The following SMO variants were observed in gnomAD, a reference collection of about 807,000 sequenced individuals.
The protein encoded by SMO is smoothened, frizzled class receptor, also known as protein smoothened.
A neutral mutation model predicts 81.6 loss-of-function variants in SMO; 40 were observed. That is an observed-to-expected ratio of 0.49 (90% CI 0.38 to 0.64). The LOEUF is 0.64. Among genes scored for constraint, SMO ranks in the 30% least tolerant of loss-of-function variants. The pLI is 0.00. For missense variants in SMO, 916 were observed against 1,061.1 expected (o/e 0.86, Z 1.90); for synonymous variants, 434 against 432.1 (o/e 1.00, Z -0.05).
At position 129,208,631 on chromosome 7, in the gene SMO, G is replaced by C. The variant is rs1032938224; in HGVS notation, c.1265-128G>C. On this transcript the variant is annotated intron_variant, in intron 6 of 11. Coordinates refer to ENST00000249373, the MANE Select transcript of SMO (RefSeq NM_005631.5). This position sits in a 1 kb window ranked among gnomAD's most constrained non-coding sequence, Gnocchi z 5.2. ...TTCTCCAGTGTCTCTAGCTCCCCAGGTTTTCATTTAGCACAGGGGTAATCA... is the reference window on the plus strand; with the variant it reads ...TTCTCCAGTGTCTCTAGCTCCCCAGCTTTTCATTTAGCACAGGGGTAATCA... 1.6e-6 allele frequency: 1 copy of C among 629,332 alleles called. No homozygotes were observed. Among genetic ancestry groups the C allele is most frequent in the Non-Finnish European group, 2.9e-6 (1 of 342,102 alleles). 39.0% of individuals were successfully genotyped at this position (629,332 alleles called of 1,614,324 possible). A position where few individuals can be genotyped will look rare whatever the true frequency, so the allele number is the denominator to read the frequency against.
chr7:129,189,347 C>A lies in SMO; in HGVS notation c.196C>A (p.Arg66=), dbSNP rs1215848715. ...TCCGCCGCCGCTGAGCCACTGCGGC[C>A]GGGCTGCCCCCTGCGAGCCGCTGCG... is the stretch of plus-strand genomic sequence containing the variant. ...GPPPPLSHCG[R]AAPCEPLRYN... Residue 66 remains arginine, a synonymous_variant, in exon 1 of 12, where the codon CGG becomes AGG. Coordinates refer to ENST00000249373, the MANE Select transcript of SMO (RefSeq NM_005631.5). This position sits in a 1 kb window ranked among gnomAD's most constrained non-coding sequence, Gnocchi z 4.7. The A allele has an allele frequency of 1.3e-6, 2 of 1,518,288 alleles. No homozygotes were observed. Among genetic ancestry groups the A allele is most frequent in the African/African-American group, 1.4e-5 (1 of 70,210 alleles). The allele number at this position is 1,518,288 out of a possible 1,614,324, so 94.1% of individuals were successfully genotyped here. A position where few individuals can be genotyped will look rare whatever the true frequency, so the allele number is the denominator to read the frequency against.
In SMO at chr7:129,212,662, G is replaced by T; in HGVS notation, c.*211G>T. The T allele has an allele frequency of 1.7e-6, 1 of 588,844 alleles. No individual in the cohort carries two copies. 36.5% of individuals were successfully genotyped at this position (588,844 alleles called of 1,614,324 possible). On this transcript the variant is annotated 3_prime_UTR_variant, in exon 12 of 12. Coordinates refer to ENST00000249373, the MANE Select transcript of SMO (RefSeq NM_005631.5). The surrounding 1 kb of genome is among the most constrained non-coding windows in gnomAD (Gnocchi z 5.0). ...ATGGGGAGGCCTCACCCCAGGGACA[G>T]GGCCCTGGAGCTCAGGGTCCTTGTT... is the stretch of plus-strand genomic sequence containing the variant.
intron 1 of SMO, among the ~76,000 whole-genome samples, chr7:129,201,741 C>T (rs748052932): frequency 2.5e-4 from 38 of 151,944 alleles, no homozygotes; most frequent in Non-Finnish European, 4.7e-4. Flanking sequence ...AGTGCAGTGG[C>T]GCCATCTCAG....
Position 129,189,292 on chromosome 7 carries a change from C to T in SMO, c.141C>T (p.Ser47=). The T allele has an allele frequency of 2.8e-6, 4 of 1,425,894 alleles. No homozygotes were observed. The highest frequency in any genetic ancestry group is 3.6e-6 in the Non-Finnish European group (4 of 1,100,266). The allele number at this position is 1,425,894 out of a possible 1,614,324, so 88.3% of individuals were successfully genotyped here. A position where few individuals can be genotyped will look rare whatever the true frequency, so the allele number is the denominator to read the frequency against. ...TGPGPRSAGG[S]ARRSAAVTGP... Reference sequence around the variant, plus strand: ...CTGGGCCTCGGAGCGCGGGCGGGAGCGCGAGGAGGAGCGCGGCGGTGACTG... The same window carrying T: ...CTGGGCCTCGGAGCGCGGGCGGGAGTGCGAGGAGGAGCGCGGCGGTGACTG... Residue 47 remains serine (S), a synonymous_variant, in exon 1 of 12, where the codon AGC becomes AGT. Transcript: ENST00000249373. The surrounding 1 kb of genome is among the most constrained non-coding windows in gnomAD (Gnocchi z 4.7).
At position 129,196,327 on chromosome 7, in the gene SMO, TTG is replaced by T. The variant is rs57674265; in HGVS notation, c.331+6873_331+6874del. On this transcript the variant is annotated intron_variant, in intron 1 of 11. Coordinates refer to ENST00000249373, the MANE Select transcript of SMO (RefSeq NM_005631.5). ...AGTAGAGAGTCTGAGCTATTCTTGATTGTGTGTGTGTGTGTGTGTGTGTGTGT... is the reference window on the plus strand; with the variant it reads ...AGTAGAGAGTCTGAGCTATTCTTGATTGTGTGTGTGTGTGTGTGTGTGTGT... Among the ~76,000 whole-genome samples the T allele has an allele frequency of 1.8e-4, 26 of 145,118 alleles. 1 individual carries two copies. The highest frequency in any genetic ancestry group is 3.5e-3 in the Middle Eastern group (1 of 282).
rs2150650031 is a variant in SMO at position 129,206,237 on chromosome 7, C to T, written c.1008C>T (p.Thr336=). 6.2e-7 allele frequency: 1 copy of T among 1,614,178 alleles called. No individual in the cohort carries two copies. Among genetic ancestry groups the T allele is most frequent in the Non-Finnish European group, 8.5e-7 (1 of 1,180,002 alleles). Residue 336 remains threonine (T), a synonymous_variant, in exon 5 of 12, where the codon ACC becomes ACT. Transcript: ENST00000249373. This position sits in a 1 kb window ranked among gnomAD's most constrained non-coding sequence, Gnocchi z 4.4. ...GTGTGGTTTGGTTTGTGGTCCTCAC[C>T]TATGCCTGGCACACTTCCTTCAAAG... The part of the protein sequence containing the change: ...MAGVVWFVVL[T]YAWHTSFKAL...
intron 3 of SMO, 23 bp downstream of exon 3, chr7:129,205,435 CG>C (rs773968967): frequency 1.6e-5 from 25 of 1,598,898 alleles, no homozygotes; most frequent in Middle Eastern, 1.7e-4. Flanking sequence ...AGGGCAGGCC[CG>C]GGGGGCCCTC....
chr7:129,210,384 CGG>C lies in SMO; in HGVS notation c.1490_1491del (p.Gly497AlafsTer9). On this transcript the variant is annotated frameshift_variant, in exon 9 of 12. Coordinates refer to ENST00000249373, the MANE Select transcript of SMO (RefSeq NM_005631.5). LOFTEE classifies it high-confidence loss of function. This position sits in a 1 kb window ranked among gnomAD's most constrained non-coding sequence, Gnocchi z 4.7. ...YVLCQANVTI[G>X]LPTKQPIPDC... ...GTAGATGTCAGGCCAATGTGACCAT[CGG>C]GCTGCCCACCAAGCAGCCCATCCCT... 6.2e-7 allele frequency: 1 copy of C among 1,613,908 alleles called. No homozygotes were observed. Among genetic ancestry groups the C allele is most frequent in the Non-Finnish European group, 8.5e-7 (1 of 1,179,756 alleles).
intron 2 of SMO, 25 bp from the exon 3 acceptor site, chr7:129,205,178 C>T (rs760491950): frequency 1.5e-5 from 24 of 1,607,400 alleles, no homozygotes; most frequent in Admixed American, 8.3e-5. Flanking sequence ...GCCTTGACAC[C>T]GTCTTTTCCC....
intron 1 of SMO, among the ~76,000 whole-genome samples, chr7:129,197,523 G>T (rs1202026315): frequency 1.3e-5 from 2 of 152,120 alleles, no homozygotes; most frequent in African/African-American, 2.4e-5. Context: ...TGCCTCCTGG[G>T]TTCAAGCGAT....
In SMO at chr7:129,206,743, G is replaced by A. The variant is rs530194138; in HGVS notation, c.1264+156G>A. Among the ~76,000 whole-genome samples the A allele has an allele frequency of 2.6e-4, 40 of 152,300 alleles. No homozygotes were observed. The South Asian group carries it at 6.8e-3, about 26-fold the overall frequency. The stretch of plus-strand genomic sequence containing the variant: ...GTAGAAGGTGACCCTCTAGGCAGAC[G>A]AAACACCGTGAGCACTTGCTGCGGG... On this transcript the variant is annotated intron_variant, in intron 6 of 11. Coordinates refer to ENST00000249373, the MANE Select transcript of SMO (RefSeq NM_005631.5). This position sits in a 1 kb window ranked among gnomAD's most constrained non-coding sequence, Gnocchi z 4.4.
intron 3 of SMO, 83 bp from the exon 4 acceptor site, chr7:129,205,527 A>G (rs1793749891): frequency 2.0e-6 from 3 of 1,525,214 alleles, no homozygotes; most frequent in Non-Finnish European, 2.7e-6. Context: ...GGTCATGATC[A>G]GAAGGGTCTG....
chr7:129,202,013 GTTGCCTGAGGACA>G (rs1367170000), intron 1 of SMO, among the ~76,000 whole-genome samples: 2 of 152,082 alleles, frequency 1.3e-5, no homozygotes, highest in East Asian at 3.9e-4. Context: ...AGTGGGAACT[GTTGCCTGAGGACA>G]TTGCTTCTTA....
rs1010279524 is a variant in SMO, at chr7:129,208,663, G to A, written c.1265-96G>A. 10 of 729,030 alleles carry A rather than the reference G, an allele frequency of 1.4e-5. No homozygotes were observed. In the African/African-American group the frequency reaches 1.6e-4, roughly 11 times the overall value. 45.2% of individuals were successfully genotyped at this position (729,030 alleles called of 1,614,324 possible). A position where few individuals can be genotyped will look rare whatever the true frequency, so the allele number is the denominator to read the frequency against. On this transcript the variant is annotated intron_variant, in intron 6 of 11. Coordinates refer to ENST00000249373, the MANE Select transcript of SMO (RefSeq NM_005631.5). This position sits in a 1 kb window ranked among gnomAD's most constrained non-coding sequence, Gnocchi z 5.2. ...TTTAGCACAGGGGTAATCAGACTTG[G>A]GACTCCAGAGCCTTAGGACCCTCCT...
chr7:129,211,992 C>T lies in SMO; in HGVS notation c.1937-32C>T, dbSNP rs2150656177. ...GGGGGTGGCATGGACAGAGCCAGGG[C>T]CCCAGGCTCGTGTTGTCTCTCCTCC... is the stretch of plus-strand genomic sequence containing the variant. On this transcript the variant is annotated intron_variant, in intron 11 of 11. Transcript: ENST00000249373. This position sits in a 1 kb window ranked among gnomAD's most constrained non-coding sequence, Gnocchi z 4.6. 1.9e-6 allele frequency: 3 copies of T among 1,546,774 alleles called. No individual in the cohort carries two copies. Among genetic ancestry groups the T allele is most frequent in the African/African-American group, 1.4e-5 (1 of 73,608 alleles).
At position 129,211,100 on chromosome 7, in the gene SMO, C is replaced by T. The variant is rs371203309; in HGVS notation, c.1788C>T (p.His596=). ...CCTTCAGCATGCACACTGTGTCCCA[C>T]GACGGGCCCGTGGGTGAGCCTCACC... ...ELSFSMHTVS[H]DGPVAGLAFD... Residue 596 remains histidine, a synonymous_variant, in exon 10 of 12, where the codon CAC becomes CAT. Coordinates refer to ENST00000249373, the MANE Select transcript of SMO (RefSeq NM_005631.5). The surrounding 1 kb of genome is among the most constrained non-coding windows in gnomAD (Gnocchi z 4.6). 3.3e-5 allele frequency: 53 copies of T among 1,608,092 alleles called. No homozygotes were observed. The highest frequency in any genetic ancestry group is 4.5e-5 in the East Asian group (2 of 44,810).
chr7:129,206,052 C>T lies in SMO; in HGVS notation c.921-98C>T. 1 of 1,078,150 alleles carries T rather than the reference C, an allele frequency of 9.3e-7. No homozygotes were observed. The highest frequency in any genetic ancestry group is 1.4e-6 in the Non-Finnish European group (1 of 732,772). The allele number at this position is 1,078,150 out of a possible 1,614,324, so 66.8% of individuals were successfully genotyped here. On this transcript the variant is annotated intron_variant, in intron 4 of 11. Transcript: ENST00000249373. The surrounding 1 kb of genome is among the most constrained non-coding windows in gnomAD (Gnocchi z 4.4). The stretch of plus-strand genomic sequence containing the variant: ...CCAAGCCCTGACTTCTGGGAACCTC[C>T]AGACCTCAGCAGCTGAGGGTCTGGG...
Position 129,210,985 on chromosome 7 carries a change from A to G in SMO, c.1673A>G (p.Asp558Gly), listed in dbSNP as rs1409257755. 6.2e-7 allele frequency: 1 copy of G among 1,612,026 alleles called. No individual in the cohort carries two copies. Among genetic ancestry groups the G allele is most frequent in the East Asian group, 2.2e-5 (1 of 44,854 alleles). The part of the protein sequence containing the change: ...TWCRLTGQSD[D>G]EPKRIKKSKM... ...CTCAGGTTGACTGGGCAGAGTGACGATGAGCCAAAGCGGATCAAGAAGAGC... is the reference window on the plus strand; with the variant it reads ...CTCAGGTTGACTGGGCAGAGTGACGGTGAGCCAAAGCGGATCAAGAAGAGC... The change falls in exon 10 of 12, where the codon GAT becomes GGT. Residue 558 changes from aspartate (D) to glycine (G), a missense_variant. Asp to Gly is a moderately conservative substitution (Grantham distance 94, BLOSUM62 -1). Around this residue, in one of 4 missense-constraint regions of SMO, gnomAD observed 324 missense variants for 312.9 expected, o/e 1.04. Transcript: ENST00000249373. The surrounding 1 kb of genome is among the most constrained non-coding windows in gnomAD (Gnocchi z 4.7).
rs2150648041 is a variant in SMO at position 129,205,205 on chromosome 7, T to C, written c.540T>C (p.Asn180=). ...TPDRFPEGCT[N]EVQNIKFNSS... The stretch of plus-strand genomic sequence containing the variant: ...TCTTTTCCCATCCCTGGTGCCAGAA[T>C]GAGGTGCAGAACATCAAGTTCAACA... Residue 180 remains asparagine (N), a splice_region_variant and synonymous_variant, in exon 3 of 12, where the codon AAT becomes AAC. Transcript: ENST00000249373. The C allele has an allele frequency of 6.2e-7, 1 of 1,613,956 alleles. No homozygotes were observed. Among genetic ancestry groups the C allele is most frequent in the East Asian group, 2.2e-5 (1 of 44,870 alleles).
Sources: allele counts gnomAD v4.1 joint callset (sites outside exome capture counted in the v4.1 genomes callset), GRCh38; gene constraint gnomAD v4.1.1; regional missense constraint gnomAD v4.1.1; non-coding constraint Gnocchi (gnomAD v3.1); transcripts MANE v1.5; gene names NCBI Gene and HGNC (gene_info 2026-07-23, HGNC 2026-07-21).